C1orf185: variants seen among roughly 807,000 people sequenced by gnomAD.
C1orf185 encodes chromosome 1 open reading frame 185, also known as uncharacterized protein C1orf185.
C1orf185 carries 13 observed loss-of-function variants against 16.1 expected under a neutral mutation model. That is an observed-to-expected ratio of 0.81 (90% CI 0.53 to 1.28). The LOEUF is 1.28. Among genes scored for constraint, C1orf185 ranks in the 50% most tolerant of loss-of-function variants. C1orf185 has a pLI of 0.00. For synonymous variants in C1orf185, 80 were observed against 76.9 expected, an observed-to-expected ratio of 1.04 and a Z score of -0.21; for missense variants, 220 against 225.2, an observed-to-expected ratio of 0.98 and a Z score of 0.15.
At chr1:51,142,413 A>T (rs528010862) in intron 3 of C1orf185, among the ~76,000 whole-genome samples, 1 of 152,198 alleles carries the variant, frequency 6.6e-6, no homozygotes, top group Non-Finnish European at 1.5e-5. Flanking sequence ...AATTTATCAC[A>T]TCTGAAGGCA....
At chr1:51,132,190 C>T (rs1646290434) in intron 3 of C1orf185, among the ~76,000 whole-genome samples, 1 of 152,220 alleles carries the variant, frequency 6.6e-6, no homozygotes. Context: ...AGAGAGCCTT[C>T]TTTCCTCCAA....
chr1:51,124,208 A>G (rs954653661), intron 3 of C1orf185, among the ~76,000 whole-genome samples: 1 of 151,488 alleles, frequency 6.6e-6, no homozygotes, highest in African/African-American at 2.4e-5. Flanking sequence ...CAGCCTCCCA[A>G]GTTGCTGGGA....
At position 51,147,927 on chromosome 1, in the gene C1orf185, C is replaced by CT. The variant is rs1482891520; in HGVS notation, c.*163dup. ...TCTTAACATGTCCATGCTAATATTG[C>CT]TTTTTTTGTTCTTTACCATAGAGCG... On this transcript the variant is annotated 3_prime_UTR_variant, in exon 5 of 5. Coordinates refer to ENST00000371759, the MANE Select transcript of C1orf185 (RefSeq NM_001136508.2). 4 of 666,150 alleles carry CT rather than the reference C, an allele frequency of 6.0e-6. No homozygotes were observed. Among genetic ancestry groups the CT allele is most frequent in the African/African-American group, 3.6e-5 (2 of 54,974 alleles). 41.3% of individuals were successfully genotyped at this position (666,150 alleles called of 1,614,324 possible). A position where few individuals can be genotyped will look rare whatever the true frequency, so the allele number is the denominator to read the frequency against.
chr1:51,144,963 A>G (rs778165230), intron 3 of C1orf185, among the ~76,000 whole-genome samples: 10 of 152,104 alleles, frequency 6.6e-5, no homozygotes, highest in Non-Finnish European at 1.3e-4. Context: ...GTTACAGTGT[A>G]TACTCCCAAG....
Position 51,118,377 on chromosome 1 carries a change from C to T in C1orf185, c.123-289C>T, listed in dbSNP as rs964883464. 7.9e-5 allele frequency among the ~76,000 whole-genome samples: 12 copies of T among 152,256 alleles called. No individual in the cohort carries two copies. In the East Asian group the frequency reaches 1.9e-3, roughly 24 times the overall value. On this transcript the variant is annotated intron_variant, in intron 2 of 4. Coordinates refer to ENST00000371759, the MANE Select transcript of C1orf185 (RefSeq NM_001136508.2). ...CAACCAGAAAGAAGTATATCAAAGA[C>T]TCCTGGCTAATATTCAAACTGAAAA...
At chr1:51,107,784 C>T (rs762564371) in intron 1 of C1orf185, among the ~76,000 whole-genome samples, 3 of 152,162 alleles carry the variant, frequency 2.0e-5, no homozygotes, top group African/African-American at 4.8e-5. Flanking sequence ...CTCAGCATTA[C>T]GTTTATAAAA....
At chr1:51,150,273 C>A (rs911835793), downstream of C1orf185, among the ~76,000 whole-genome samples, 1 of 151,256 alleles carries the variant, frequency 6.6e-6, no homozygotes, top group Admixed American at 6.6e-5. Flanking sequence ...CTCATTGCAA[C>A]CTCCGCTTCC....
chr1:51,135,673 A>G (rs1646318722), intron 3 of C1orf185, among the ~76,000 whole-genome samples: 1 of 152,248 alleles, frequency 6.6e-6, no homozygotes, highest in Non-Finnish European at 1.5e-5. Flanking sequence ...AATAAGAGCC[A>G]TCTATGACAA....
At chr1:51,106,273 G>A (rs544990364) in intron 1 of C1orf185, among the ~76,000 whole-genome samples, 1 of 152,046 alleles carries the variant, frequency 6.6e-6, no homozygotes, top group Admixed American at 6.5e-5. Context: ...ATATAGAAAG[G>A]TCTAGAGTGA....
At chr1:51,129,957 G>A (rs899536514) in intron 3 of C1orf185, among the ~76,000 whole-genome samples, 2 of 152,120 alleles carry the variant, frequency 1.3e-5, no homozygotes, top group East Asian at 1.9e-4. Flanking sequence ...ACATTCAGTC[G>A]ATAATAATAT....
intron 1 of C1orf185, among the ~76,000 whole-genome samples, chr1:51,105,114 C>T (rs890917141): frequency 1.3e-5 from 2 of 151,946 alleles, no homozygotes; most frequent in Non-Finnish European, 2.9e-5. Context: ...TGTGCCACGA[C>T]GTCTGGCTAG....
chr1:51,138,360 C>T (rs1646341383), intron 3 of C1orf185, among the ~76,000 whole-genome samples: 1 of 152,238 alleles, frequency 6.6e-6, no homozygotes, highest in African/African-American at 2.4e-5. Context: ...AATGTATTCA[C>T]GTTGTGCAAC....
intron 2 of C1orf185, among the ~76,000 whole-genome samples, chr1:51,118,167 G>A (rs1445793497): frequency 3.3e-5 from 5 of 152,182 alleles, no homozygotes; most frequent in South Asian, 4.1e-4. Context: ...TGATCCGCCC[G>A]CCTTGACCTC....
chr1:51,121,965 T>C (rs1049499947), intron 3 of C1orf185, among the ~76,000 whole-genome samples: 14 of 152,194 alleles, frequency 9.2e-5, no homozygotes, highest in Admixed American at 8.5e-4. Flanking sequence ...TTCCTTACTT[T>C]TCCTTATAGT....
intron 3 of C1orf185, among the ~76,000 whole-genome samples, chr1:51,123,523 T>C (rs1225496535): frequency 2.6e-5 from 4 of 152,228 alleles, no homozygotes; most frequent in Non-Finnish European, 5.9e-5. Context: ...CTTATTTGCA[T>C]GAATACCAGC....
intron 3 of C1orf185, among the ~76,000 whole-genome samples, chr1:51,144,479 C>T (rs1331086167): frequency 2.6e-5 from 4 of 152,056 alleles, no homozygotes; most frequent in Non-Finnish European, 5.9e-5. Context: ...TGGGAGGCTA[C>T]GGTGGGAGGA....
intron 3 of C1orf185, among the ~76,000 whole-genome samples, chr1:51,128,579 G>A (rs1646259527): frequency 6.6e-6 from 1 of 152,166 alleles, no homozygotes; most frequent in African/African-American, 2.4e-5. Context: ...TGTAATCCCA[G>A]CTTGTCAGGA....
Position 51,147,681 on chromosome 1 carries a change from C to T in C1orf185, c.510C>T (p.Leu170=), listed in dbSNP as rs760112015. 23 of 1,551,244 alleles carry T rather than the reference C, an allele frequency of 1.5e-5. No individual in the cohort carries two copies. Among genetic ancestry groups the T allele is most frequent in the African/African-American group, 1.2e-4 (9 of 73,100 alleles). Residue 170 remains leucine (L), a synonymous_variant, in exon 5 of 5, where the codon CTC becomes CTT. Transcript: ENST00000371759. ...LVKRNSPMPS[L]GEPLMEKVFS... ...AAAGGAACTCTCCAATGCCTTCTCT[C>T]GGGGAACCTCTAATGGAAAAAGTAT...
intron 3 of C1orf185, among the ~76,000 whole-genome samples, chr1:51,137,597 T>C (rs1434160949): frequency 6.6e-6 from 1 of 152,148 alleles, no homozygotes; most frequent in East Asian, 1.9e-4. Context: ...TCTTACACAC[T>C]GTTATGGGAG....
Sources: gnomAD v4.1 joint callset for allele counts (sites outside exome capture counted in the v4.1 genomes callset) on GRCh38, gnomAD v4.1.1 for gene constraint, MANE v1.5 for transcripts, NCBI Gene and HGNC (gene_info 2026-07-23, HGNC 2026-07-21) for gene names.